The following MECOM variants were observed in gnomAD, a reference collection of about 807,000 sequenced individuals.
MECOM encodes histone-lysine N-methyltransferase MECOM.
MECOM carries 13 observed loss-of-function variants against 116.3 expected under a neutral mutation model. The observed-to-expected ratio is 0.11, with a 90% CI of 0.07 to 0.18. The LOEUF (loss-of-function observed/expected upper bound fraction) is 0.18, where lower values mean the gene tolerates loss of function less well. MECOM is among the 10% of genes least tolerant of loss of function. The pLI is 1.00. For synonymous variants in MECOM, 528 were observed against 535.2 expected (o/e 0.99, Z 0.19); for missense variants, 1,299 against 1,509.0 (o/e 0.86, Z 2.31).
chr3:169,355,085 C>CG (rs916799733), intron 2 of MECOM, among the ~76,000 whole-genome samples: 12 of 151,766 alleles, frequency 7.9e-5, no homozygotes, highest in Admixed American at 2.0e-4. Context: ...TTCAATTTGT[C>CG]GGGAAAAAAG....
At chr3:169,656,552 C>T (rs552856777) in intron 1 of MECOM, among the ~76,000 whole-genome samples, 103 of 151,990 alleles carry the variant, frequency 6.8e-4, no homozygotes, top group African/African-American at 2.2e-3. Flanking sequence ...ATAATAATGC[C>T]GAAGAGTATG....
At chr3:169,405,609 C>T (rs1736576150) in intron 1 of MECOM, among the ~76,000 whole-genome samples, 1 of 152,110 alleles carries the variant, frequency 6.6e-6, no homozygotes, top group African/African-American at 2.4e-5. Context: ...CTATAAAACT[C>T]CACAAACTAG....
intron 1 of MECOM, among the ~76,000 whole-genome samples, chr3:169,606,147 C>CA (rs1768517689): frequency 6.6e-6 from 1 of 152,184 alleles, no homozygotes; most frequent in Non-Finnish European, 1.5e-5. Flanking sequence ...TGCGGTGGCT[C>CA]ACGCCTGTAA....
At chr3:169,280,455 T>C (rs959858920) in intron 2 of MECOM, among the ~76,000 whole-genome samples, 2 of 152,176 alleles carry the variant, frequency 1.3e-5, no homozygotes, top group Non-Finnish European at 2.9e-5. Context: ...TCTCACTAGA[T>C]TGTAAAAACT....
chr3:169,391,513 A>G (rs1034286273), intron 1 of MECOM, among the ~76,000 whole-genome samples: 4 of 152,172 alleles, frequency 2.6e-5, no homozygotes, highest in Non-Finnish European at 5.9e-5. Context: ...TAAATGTAAA[A>G]TCATTCAAAA....
chr3:169,551,793 T>C (rs1235147288), intron 1 of MECOM, among the ~76,000 whole-genome samples: 1 of 152,034 alleles, frequency 6.6e-6, no homozygotes, highest in Non-Finnish European at 1.5e-5. Flanking sequence ...AGCTAGAAAA[T>C]GGAAACAATA....
intron 2 of MECOM, among the ~76,000 whole-genome samples, chr3:169,356,380 G>GT: frequency 6.6e-6 from 1 of 151,898 alleles, no homozygotes; most frequent in Non-Finnish European, 1.5e-5. Context: ...TGAGGTAAGA[G>GT]TTTTTTGTAT....
chr3:169,651,592 A>G (rs1774920386), intron 1 of MECOM, among the ~76,000 whole-genome samples: 1 of 152,284 alleles, frequency 6.6e-6, no homozygotes, highest in Non-Finnish European at 1.5e-5. Context: ...GAGCTAAGCT[A>G]TGGGGATGCA....
intron 2 of MECOM, among the ~76,000 whole-genome samples, chr3:169,266,958 C>T (rs1487997346): frequency 1.3e-5 from 2 of 152,098 alleles, no homozygotes; most frequent in East Asian, 3.9e-4. Flanking sequence ...TCCCAGATTG[C>T]CTTGCAACTA....
chr3:169,443,363 T>TG (rs1257930499), intron 1 of MECOM, among the ~76,000 whole-genome samples: 4 of 152,010 alleles, frequency 2.6e-5, no homozygotes, highest in African/African-American at 2.4e-5. Context: ...CTACTCTCTG[T>TG]GGGGGGAAGG....
intron 2 of MECOM, among the ~76,000 whole-genome samples, chr3:169,242,698 T>C (rs1326093150): frequency 6.6e-6 from 1 of 152,168 alleles, no homozygotes; most frequent in African/African-American, 2.4e-5. Flanking sequence ...CTGCAGTGTA[T>C]GGGCCAGTCA....
chr3:169,431,136 G>A (rs563128254), intron 1 of MECOM, among the ~76,000 whole-genome samples: 1 of 152,152 alleles, frequency 6.6e-6, no homozygotes, highest in Non-Finnish European at 1.5e-5. Context: ...CTAATAAAAA[G>A]ATAAGATTTG....
At chr3:169,114,995 C>A (rs901860475) in intron 8 of MECOM, among the ~76,000 whole-genome samples, 2 of 152,122 alleles carry the variant, frequency 1.3e-5, no homozygotes, top group African/African-American at 2.4e-5. Context: ...GATATCCCCC[C>A]CATTCCAAAG....
chr3:169,641,360 G>A (rs1773468149), intron 1 of MECOM, among the ~76,000 whole-genome samples: 3 of 152,292 alleles, frequency 2.0e-5, no homozygotes, highest in Admixed American at 6.5e-5. Flanking sequence ...CATCTGGGTA[G>A]GTCAGCGCTT....
chr3:169,326,730 G>A (rs550919303), intron 2 of MECOM, among the ~76,000 whole-genome samples: 11 of 152,186 alleles, frequency 7.2e-5, no homozygotes, highest in African/African-American at 1.4e-4. Flanking sequence ...GGACAGTAAA[G>A]TACTTGTGTG....
At chr3:169,224,793 T>C (rs1365542894) in intron 2 of MECOM, among the ~76,000 whole-genome samples, 1 of 152,194 alleles carries the variant, frequency 6.6e-6, no homozygotes, top group African/African-American at 2.4e-5. Context: ...TCAAGAAACC[T>C]GAAAAGCCCC....
At chr3:169,539,970 T>C (rs1181391702) in intron 1 of MECOM, among the ~76,000 whole-genome samples, 1 of 152,188 alleles carries the variant, frequency 6.6e-6, no homozygotes. Context: ...TTTCCTCTGG[T>C]GGAGCTCTTT....
chr3:169,517,993 C>T (rs1335627650), intron 1 of MECOM, among the ~76,000 whole-genome samples: 1 of 152,218 alleles, frequency 6.6e-6, no homozygotes, highest in East Asian at 1.9e-4. Context: ...GGCGCTATGG[C>T]TCACGCCTGT....
rs368222168 is a variant in MECOM, at chr3:169,266,077, A to G, written c.375+115110T>C. Among the ~76,000 whole-genome samples, 149 of 152,330 alleles carry G rather than the reference A, an allele frequency of 9.8e-4. 1 individual carries two copies. Among genetic ancestry groups the G allele is most frequent in the African/African-American group, 3.6e-3 (148 of 41,588 alleles). On this transcript the variant is annotated intron_variant, in intron 2 of 16. Transcript: ENST00000651503. ...ATGAGGCAACATGGCTGCCAGTCAG[A>G]CATCAAGGAGGATTTTTACTTTGAT...
Sources: gnomAD v4.1 joint callset for allele counts (sites outside exome capture counted in the v4.1 genomes callset) on GRCh38, gnomAD v4.1.1 for gene constraint, MANE v1.5 for transcripts, NCBI Gene and HGNC (gene_info 2026-07-23, HGNC 2026-07-21) for gene names.